Variants in SPMIP7 observed in about 807,000 individuals in gnomAD.
SPMIP7 encodes the protein sperm microtubule inner protein 7.
At chr7:50,131,351 C>T in the SPMIP7 span, among the ~76,000 whole-genome samples, 1 of 152,118 alleles carries the variant, frequency 6.6e-6, no homozygotes, top group African/African-American at 2.4e-5. Flanking sequence ...AAGGTGAAGG[C>T]AGTGGAGAAG....
the SPMIP7 span, chr7:50,158,976 G>A: frequency 5.4e-6 from 8 of 1,480,412 alleles, no homozygotes; most frequent in Non-Finnish European, 7.3e-6. Flanking sequence ...ATCATTAGTT[G>A]GATGAGGTTG....
chr7:50,151,733 G>A, the SPMIP7 span, among the ~76,000 whole-genome samples: 1 of 152,188 alleles, frequency 6.6e-6, no homozygotes, highest in Non-Finnish European at 1.5e-5. Flanking sequence ...CTACTGAGGG[G>A]AACTTTATTA....
chr7:50,115,464 T>G, the SPMIP7 span, among the ~76,000 whole-genome samples: 4 of 152,246 alleles, frequency 2.6e-5, no homozygotes, highest in African/African-American at 9.6e-5. Context: ...CTAATTGATA[T>G]AAATACCAAT....
the SPMIP7 span, chr7:50,129,651 A>G: frequency 3.3e-3 from 3,520 of 1,077,994 alleles, 82 homozygotes; most frequent in African/African-American, 0.049. Context: ...AAACATGATG[A>G]CTAGAAAACA....
chr7:50,136,178 T>C, the SPMIP7 span: 1 of 1,524,598 alleles, frequency 6.6e-7, no homozygotes, highest in Non-Finnish European at 8.9e-7. Context: ...AAGTTTTATC[T>C]CCTAAAGTTC....
the SPMIP7 span, among the ~76,000 whole-genome samples, chr7:50,109,592 C>T: frequency 6.6e-6 from 1 of 152,106 alleles, no homozygotes; most frequent in Non-Finnish European, 1.5e-5. Flanking sequence ...CCTGGTTGTT[C>T]TCGAACTCCT....
the SPMIP7 span, among the ~76,000 whole-genome samples, chr7:50,154,808 A>G: frequency 9.2e-5 from 14 of 152,316 alleles, no homozygotes; most frequent in South Asian, 2.7e-3. Flanking sequence ...GGCTTCACCA[A>G]CCTACATTCC....
the SPMIP7 span, among the ~76,000 whole-genome samples, chr7:50,139,140 G>A: frequency 6.6e-6 from 1 of 152,022 alleles, no homozygotes; most frequent in Non-Finnish European, 1.5e-5. Context: ...CACGAGGTCA[G>A]GAGATTGAGA....
the SPMIP7 span, among the ~76,000 whole-genome samples, chr7:50,148,871 G>A: frequency 6.6e-6 from 1 of 152,210 alleles, no homozygotes; most frequent in Non-Finnish European, 1.5e-5. Context: ...GCTGGGCCGG[G>A]CACGGTGGCT....
chr7:50,125,115 T>TAC, the SPMIP7 span, among the ~76,000 whole-genome samples: 61 of 25,416 alleles, frequency 2.4e-3, 7 homozygotes, highest in Middle Eastern at 0.03. Flanking sequence ...TATATATATA[T>TAC]ACACACACAC....
chr7:50,139,816 A>G, the SPMIP7 span, among the ~76,000 whole-genome samples: 1 of 152,246 alleles, frequency 6.6e-6, no homozygotes, highest in African/African-American at 2.4e-5. Context: ...AAATAGATAA[A>G]GATACTAGAG....
At chr7:50,106,796 A>G in the SPMIP7 span, among the ~76,000 whole-genome samples, 1 of 152,180 alleles carries the variant, frequency 6.6e-6, no homozygotes, top group Admixed American at 6.5e-5. Context: ...TAAATTACCA[A>G]ATGGAAATTA....
At chr7:50,122,874 T>C in the SPMIP7 span, among the ~76,000 whole-genome samples, 2 of 152,090 alleles carry the variant, frequency 1.3e-5, no homozygotes, top group Admixed American at 1.3e-4. Flanking sequence ...GAGATACCAT[T>C]TCACACTAGT....
chr7:50,098,723 C>T, the SPMIP7 span, among the ~76,000 whole-genome samples: 3 of 152,018 alleles, frequency 2.0e-5, no homozygotes, highest in Non-Finnish European at 4.4e-5. Flanking sequence ...CTCTACTTAA[C>T]ACTAATGCCA....
At chr7:50,141,256 C>T in the SPMIP7 span, 7 of 1,370,360 alleles carry the variant, frequency 5.1e-6, no homozygotes, top group East Asian at 2.5e-5. Context: ...GAAATATATG[C>T]CTTCTTTCCT....
the SPMIP7 span, chr7:50,136,123 T>G: frequency 6.4e-7 from 1 of 1,551,456 alleles, no homozygotes; most frequent in Non-Finnish European, 8.7e-7. Flanking sequence ...TGGGACAGAT[T>G]TCAAACAAGA....
chr7:50,140,942 G>A, the SPMIP7 span, among the ~76,000 whole-genome samples: 1 of 152,160 alleles, frequency 6.6e-6, no homozygotes, highest in African/African-American at 2.4e-5. Context: ...GCACACACCA[G>A]CCTCTTCCTT....
At chr7:50,139,587 T>C in the SPMIP7 span, among the ~76,000 whole-genome samples, 2 of 152,190 alleles carry the variant, frequency 1.3e-5, no homozygotes, top group African/African-American at 4.8e-5. Context: ...TAGATCCACT[T>C]AATTTGTTGA....
At chr7:50,154,480 T>A in the SPMIP7 span, among the ~76,000 whole-genome samples, 1 of 152,262 alleles carries the variant, frequency 6.6e-6, no homozygotes, top group Admixed American at 6.5e-5. Context: ...AGATTCCACA[T>A]GTAAGTGAGA....
Sources: gnomAD v4.1 joint callset for allele counts (sites outside exome capture counted in the v4.1 genomes callset) on GRCh38, gnomAD v4.1.1 for gene constraint, MANE v1.5 for transcripts, NCBI Gene and HGNC (gene_info 2026-07-23, HGNC 2026-07-21) for gene names.